Variants in GRM5 observed in about 807,000 individuals in gnomAD.
GRM5 encodes metabotropic glutamate receptor 5.
In GRM5, 19 loss-of-function variants were observed where a neutral mutation model predicts 83.1. The observed-to-expected ratio is 0.23, with a 90% CI of 0.16 to 0.34. The LOEUF (loss-of-function observed/expected upper bound fraction) is 0.34, where lower values mean the gene tolerates loss of function less well. Among genes scored for constraint, GRM5 ranks in the 10% least tolerant of loss-of-function variants. The pLI is 1.00. For synonymous variants in GRM5, 675 were observed against 633.6 expected, an observed-to-expected ratio of 1.07 and a Z score of -0.98; for missense variants, 1,160 against 1,588.3, an observed-to-expected ratio of 0.73 and a Z score of 4.58.
chr11:88,748,843 G>C (rs1247473055), intron 3 of GRM5, among the ~76,000 whole-genome samples: 2 of 152,112 alleles, frequency 1.3e-5, no homozygotes, highest in Non-Finnish European at 2.9e-5. Context: ...GCAAACCACA[G>C]CAGCCCTACA....
At chr11:88,633,643 C>T (rs1394553156) in intron 4 of GRM5, among the ~76,000 whole-genome samples, 1 of 152,114 alleles carries the variant, frequency 6.6e-6, no homozygotes, top group Non-Finnish European at 1.5e-5. Context: ...GGACTATAGG[C>T]AGGCACTACT....
At chr11:88,767,841 T>C (rs1257421344) in intron 3 of GRM5, among the ~76,000 whole-genome samples, 1 of 151,788 alleles carries the variant, frequency 6.6e-6, no homozygotes, top group African/African-American at 2.4e-5. Context: ...AAATTAAAGA[T>C]GCTTAGCATA....
intron 3 of GRM5, among the ~76,000 whole-genome samples, chr11:88,797,377 T>C (rs926287269): frequency 1.3e-5 from 2 of 152,160 alleles, no homozygotes. Flanking sequence ...CCTGACCTCC[T>C]GATCCATCCG....
At chr11:88,655,155 A>G (rs954969305) in intron 3 of GRM5, among the ~76,000 whole-genome samples, 5 of 152,168 alleles carry the variant, frequency 3.3e-5, no homozygotes, top group African/African-American at 1.2e-4. Flanking sequence ...ATAGTAATGT[A>G]GTATGTTTTG....
At chr11:88,866,977 G>A (rs968063864) in intron 2 of GRM5, among the ~76,000 whole-genome samples, 3 of 152,026 alleles carry the variant, frequency 2.0e-5, no homozygotes, top group African/African-American at 7.2e-5. Flanking sequence ...TCTCCCCATT[G>A]CTTGTTTTTG....
At chr11:88,750,138 AT>A (rs1942235977) in intron 3 of GRM5, among the ~76,000 whole-genome samples, 1 of 152,144 alleles carries the variant, frequency 6.6e-6, no homozygotes, top group Admixed American at 6.6e-5. Flanking sequence ...AAGACACAGA[AT>A]GAAAAGCTGG....
chr11:89,028,997 G>T (rs1430336970), intron 2 of GRM5, among the ~76,000 whole-genome samples: 2 of 149,670 alleles, frequency 1.3e-5, no homozygotes, highest in African/African-American at 4.9e-5. Flanking sequence ...TGTTCTCATT[G>T]ATCAACTCCC....
At chr11:88,644,108 A>G (rs1200491663) in intron 4 of GRM5, among the ~76,000 whole-genome samples, 2 of 152,236 alleles carry the variant, frequency 1.3e-5, no homozygotes, top group African/African-American at 2.4e-5. Context: ...TAGTAAGCAC[A>G]TAATGGCCGT....
chr11:88,598,770 G>A (rs768779147), intron 5 of GRM5, among the ~76,000 whole-genome samples: 85 of 152,276 alleles, frequency 5.6e-4, no homozygotes, highest in Admixed American at 3.9e-4. Context: ...TAGGATGGGA[G>A]AAAGAGAAAT....
At chr11:88,993,035 A>T (rs2135051897) in intron 2 of GRM5, among the ~76,000 whole-genome samples, 1 of 150,952 alleles carries the variant, frequency 6.6e-6, no homozygotes, top group African/African-American at 2.4e-5. Flanking sequence ...AAATAAAATA[A>T]TAAAAAAATA....
At chr11:88,800,091 AAAAT>A (rs767999073) in intron 3 of GRM5, among the ~76,000 whole-genome samples, 8 of 152,280 alleles carry the variant, frequency 5.3e-5, no homozygotes, top group African/African-American at 1.4e-4. Flanking sequence ...AGAAAAGTAA[AAAAT>A]AAATAAATAA....
At chr11:88,973,207 A>T (rs992899754) in intron 2 of GRM5, among the ~76,000 whole-genome samples, 1 of 152,202 alleles carries the variant, frequency 6.6e-6, no homozygotes, top group African/African-American at 2.4e-5. Flanking sequence ...TTTGATGGAA[A>T]CATTGTGGCT....
Position 89,052,230 on chromosome 11 carries a change from A to G in GRM5, c.-200-4158T>C, listed in dbSNP as rs542263338. ...CTCAGGGGAGAGTTTTGGTTTAGACATGCAAATTGAGGGTCATCAATATAT... is the reference window on the plus strand; with the variant it reads ...CTCAGGGGAGAGTTTTGGTTTAGACGTGCAAATTGAGGGTCATCAATATAT... On this transcript the variant is annotated intron_variant, in intron 1 of 9. Coordinates refer to ENST00000305447, the MANE Select transcript of GRM5 (RefSeq NM_001143831.3). Among the ~76,000 whole-genome samples the G allele has an allele frequency of 7.9e-5, 12 of 152,328 alleles. No homozygotes were observed. The South Asian group carries it at 2.3e-3, about 29-fold the overall frequency.
chr11:88,723,834 G>T (rs1941607117), intron 3 of GRM5, among the ~76,000 whole-genome samples: 1 of 152,056 alleles, frequency 6.6e-6, no homozygotes, highest in Admixed American at 6.6e-5. Context: ...TCACTTGGCA[G>T]CCAGGATGCC....
At chr11:88,929,093 G>C (rs1484381990) in intron 2 of GRM5, among the ~76,000 whole-genome samples, 1 of 152,058 alleles carries the variant, frequency 6.6e-6, no homozygotes, top group African/African-American at 2.4e-5. Flanking sequence ...TGTGAAATTG[G>C]AATAATAATA....
In GRM5 at chr11:89,047,272, C is replaced by T. The variant is rs1387101418; in HGVS notation, c.601G>A (p.Ala201Thr). ...VVPSDAQQAR[A>T]MVDIVKRYNW... ...TACCTCTTCACTATGTCCACCATGG[C>T]CCTTGCCTGCTGAGCATCTGAAGGC... is the stretch of plus-strand genomic sequence containing the variant. Residue 201 changes from alanine (A) to threonine (T), a missense_variant, in exon 2 of 10, where the codon GCC becomes ACC. Physicochemically the swap from Ala to Thr is moderately conservative, Grantham distance 58. Around this residue, in one of 9 missense-constraint regions of GRM5, gnomAD observed 84 missense variants for 231.0 expected, o/e 0.36. Coordinates refer to ENST00000305447, the MANE Select transcript of GRM5 (RefSeq NM_001143831.3). This position sits in a 1 kb window ranked among gnomAD's most constrained non-coding sequence, Gnocchi z 5.1. 1 of 1,614,098 alleles carries T rather than the reference C, an allele frequency of 6.2e-7. No homozygotes were observed. The highest frequency in any genetic ancestry group is 8.5e-7 in the Non-Finnish European group (1 of 1,179,952).
chr11:89,054,293 G>T (rs1289851953), intron 1 of GRM5, among the ~76,000 whole-genome samples: 43 of 152,156 alleles, frequency 2.8e-4, no homozygotes, highest in Admixed American at 2.8e-3. Context: ...GTTGGAGAAA[G>T]AGAAAAATCA....
chr11:88,831,904 G>A (rs977125945), intron 3 of GRM5, among the ~76,000 whole-genome samples: 3 of 152,210 alleles, frequency 2.0e-5, no homozygotes, highest in Non-Finnish European at 2.9e-5. Context: ...CAAAGAATCA[G>A]CTAGCCTGAG....
chr11:88,672,486 C>T (rs536154383), intron 3 of GRM5, among the ~76,000 whole-genome samples: 13 of 151,910 alleles, frequency 8.6e-5, no homozygotes, highest in South Asian at 2.1e-4. Flanking sequence ...AAATGAGACA[C>T]GAGAAATTGG....
Sources: allele counts gnomAD v4.1 joint callset (sites outside exome capture counted in the v4.1 genomes callset), GRCh38; gene constraint gnomAD v4.1.1; regional missense constraint gnomAD v4.1.1; non-coding constraint Gnocchi (gnomAD v3.1); transcripts MANE v1.5; gene names NCBI Gene and HGNC (gene_info 2026-07-23, HGNC 2026-07-21).